PTPRS: variants seen among roughly 807,000 people sequenced by gnomAD.
PTPRS encodes the protein protein tyrosine phosphatase receptor type S, also known as receptor-type tyrosine-protein phosphatase S.
Under a neutral mutation model 215.3 loss-of-function variants are expected in PTPRS, and 63 were observed. The observed-to-expected ratio is 0.29, with a 90% CI of 0.24 to 0.36. PTPRS has a LOEUF of 0.36. PTPRS is among the 10% of genes least tolerant of loss of function. The pLI is 1.00. For synonymous variants in PTPRS, 1,404 were observed against 1,191.4 expected (o/e 1.18, Z -3.68); for missense variants, 2,258 against 2,825.8 (o/e 0.80, Z 4.56).
intron 1 of PTPRS, among the ~76,000 whole-genome samples, chr19:5,334,886 A>G (rs1022188485): frequency 1.3e-5 from 2 of 152,166 alleles, no homozygotes; most frequent in Admixed American, 6.5e-5. Flanking sequence ...GGAGACAAGG[A>G]TGCTACTGAC....
intron 26 of PTPRS, 120 bp from the exon 27 acceptor site, chr19:5,215,715 G>A: frequency 2.7e-6 from 2 of 729,258 alleles, no homozygotes; most frequent in Admixed American, 2.6e-5. Flanking sequence ...GAAGGGCATG[G>A]CCGGGGTGGG....
In PTPRS at chr19:5,282,458, C is replaced by T. The variant is rs999197107; in HGVS notation, c.91+3592G>A. On this transcript the variant is annotated intron_variant, in intron 2 of 37. Coordinates refer to ENST00000262963, the MANE Select transcript of PTPRS (RefSeq NM_002850.4). The stretch of plus-strand genomic sequence containing the variant: ...CTGCAGCTCGAGAGGCACAAAGACA[C>T]GCCATGTGCTAAGCTTTATGCCTGT... Among the ~76,000 whole-genome samples, 15 of 152,204 alleles carry T rather than the reference C, an allele frequency of 9.9e-5. No homozygotes were observed. The South Asian group carries it at 1.0e-3, about 10-fold the overall frequency.
At chr19:5,217,315 C>G (rs916650105) in intron 25 of PTPRS, among the ~76,000 whole-genome samples, 1 of 152,172 alleles carries the variant, frequency 6.6e-6, no homozygotes, top group Admixed American at 6.5e-5. Flanking sequence ...ATGATCCCTT[C>G]AGGAGACTGC....
chr19:5,205,943 G>A lies in PTPRS; in HGVS notation c.*831C>T, dbSNP rs2040331568. Among the ~76,000 whole-genome samples, 1 of 149,938 alleles carries A rather than the reference G, an allele frequency of 6.7e-6. No homozygotes were observed. The highest frequency in any genetic ancestry group is 1.5e-5 in the Non-Finnish European group (1 of 67,736). On this transcript the variant is annotated 3_prime_UTR_variant, in exon 38 of 38. Coordinates refer to ENST00000262963, the MANE Select transcript of PTPRS (RefSeq NM_002850.4). ...TTACCCTCAGAACTGTATTTGATATGTCTGAAAATTTAATTTATAAAAATG... is the reference window on the plus strand; with the variant it reads ...TTACCCTCAGAACTGTATTTGATATATCTGAAAATTTAATTTATAAAAATG...
rs1223983849 is a variant in PTPRS at position 5,220,092 on chromosome 19, C to A, written c.3612G>T (p.Val1204=). Residue 1204 remains valine (V), a synonymous_variant, in exon 22 of 38, where the codon GTG becomes GTT. Coordinates refer to ENST00000262963, the MANE Select transcript of PTPRS (RefSeq NM_002850.4). ...RSLRHSRQLE[V]PRPYIAARFS... ...AGCGAGCTGCAATATAGGGCCGGGG[C>A]ACCTCCAGCTGACGCGAGTGCCGCA... 6.2e-7 allele frequency: 1 copy of A among 1,613,792 alleles called. No homozygotes were observed. The highest frequency in any genetic ancestry group is 1.1e-5 in the South Asian group (1 of 91,086).
chr19:5,253,232 T>C (rs1038822819), intron 9 of PTPRS, among the ~76,000 whole-genome samples: 19 of 152,112 alleles, frequency 1.2e-4, no homozygotes, highest in Admixed American at 1.2e-3. Context: ...ACTTAAGCCC[T>C]TTGGATCCCA....
chr19:5,340,603 T>G (rs1241329101), intron 1 of PTPRS, 61 bp downstream of exon 1: 2 of 149,764 alleles, frequency 1.3e-5, no homozygotes, highest in South Asian at 2.1e-4. Flanking sequence ...GAGACCCCCC[T>G]TGGAGCGCCT....
At chr19:5,263,112 A>C (rs1416396863) in intron 5 of PTPRS, 140 bp from the exon 6 acceptor site, 2 of 753,888 alleles carry the variant, frequency 2.7e-6, no homozygotes, top group Admixed American at 2.3e-5. Flanking sequence ...AACATTTCTT[A>C]TGATTCCTAA....
At chr19:5,333,321 TA>T (rs1289721199) in intron 1 of PTPRS, among the ~76,000 whole-genome samples, 3,765 of 100,886 alleles carry the variant, frequency 0.037, 60 homozygotes, top group Non-Finnish European at 0.046. Context: ...AAAAAATAAA[TA>T]AATAATAATA....
intron 1 of PTPRS, among the ~76,000 whole-genome samples, chr19:5,318,806 T>C (rs987217840): frequency 2.6e-5 from 4 of 152,208 alleles, no homozygotes; most frequent in South Asian, 2.1e-4. Flanking sequence ...GCATGAGCCA[T>C]TGGGCCCAGC....
chr19:5,268,064 G>A (rs898356833), intron 4 of PTPRS, among the ~76,000 whole-genome samples: 4 of 152,110 alleles, frequency 2.6e-5, no homozygotes, highest in Non-Finnish European at 5.9e-5. Flanking sequence ...CAGCTACTCG[G>A]GAGGCTGAGG....
intron 30 of PTPRS, 143 bp downstream of exon 30, chr19:5,214,218 C>T: frequency 8.3e-7 from 1 of 1,212,036 alleles, no homozygotes; most frequent in Non-Finnish European, 1.1e-6. Flanking sequence ...AAGTGGGTTC[C>T]ATGAGAATGT....
intron 25 of PTPRS, 37 bp from the exon 26 acceptor site, chr19:5,216,804 A>C: frequency 7.9e-5 from 111 of 1,404,284 alleles, no homozygotes; most frequent in Middle Eastern, 1.8e-4. Flanking sequence ...GAAAACATGC[A>C]GGGGGTAGGG....
At chr19:5,315,238 C>T (rs956850399) in intron 1 of PTPRS, among the ~76,000 whole-genome samples, 146 of 152,070 alleles carry the variant, frequency 9.6e-4, no homozygotes, top group African/African-American at 3.2e-3. Context: ...CTATTCCCCT[C>T]CCTTATCAAT....
chr19:5,211,449 A>G, intron 33 of PTPRS, 141 bp downstream of exon 33: 2 of 795,496 alleles, frequency 2.5e-6, no homozygotes, highest in South Asian at 4.4e-5. Context: ...CATCAGTTAA[A>G]TATACATCTA....
intron 1 of PTPRS, among the ~76,000 whole-genome samples, chr19:5,302,901 C>CAAAAAA (rs61244607): frequency 8.9e-6 from 1 of 112,578 alleles, no homozygotes; most frequent in Non-Finnish European, 1.8e-5. Context: ...ACTAAAAATA[C>CAAAAAA]AAAAAAAAAA....
At position 5,231,338 on chromosome 19, in the gene PTPRS, C is replaced by T. The variant is rs1064294; in HGVS notation, c.2127G>A (p.Ser709=). ...CCTCGTCGGTGCGGACGACCACGGG[C>T]GAGCTCTCGGGCCCTGGTCCCACCT... ...HTEVGPGPES[S]PVVVRTDEDV... is the part of the protein sequence containing the mutation. The change falls in exon 14 of 38, where the codon TCG becomes TCA. Residue 709 remains serine, a synonymous_variant. Transcript: ENST00000262963. The T allele has an allele frequency of 1.9e-6, 3 of 1,610,976 alleles. No individual in the cohort carries two copies. The East Asian group carries it at 6.7e-5, about 36-fold the overall frequency.
At chr19:5,230,390 T>A (rs2042915009) in intron 14 of PTPRS, among the ~76,000 whole-genome samples, 1 of 152,188 alleles carries the variant, frequency 6.6e-6, no homozygotes, top group Admixed American at 6.5e-5. Flanking sequence ...TTTGAACTCC[T>A]GGGCTTAAGC....
In PTPRS at chr19:5,285,948, C is replaced by T. The variant is rs553939436; in HGVS notation, c.91+102G>A. On this transcript the variant is annotated intron_variant, in intron 2 of 37. Transcript: ENST00000262963. ...AAGTTCCATTTGGCAAAATGGAGGG[C>T]CCCAGGGAGGAGGTGGGGAGTGTGC... The T allele has an allele frequency of 4.0e-5, 44 of 1,097,390 alleles. 2 individuals carry two copies. The African/African-American group carries it at 5.4e-4, about 13-fold the overall frequency. 68.0% of individuals were successfully genotyped at this position (1,097,390 alleles called of 1,614,324 possible).
Sources: allele counts gnomAD v4.1 joint callset (sites outside exome capture counted in the v4.1 genomes callset), GRCh38; gene constraint gnomAD v4.1.1; transcripts MANE v1.5; gene names NCBI Gene and HGNC (gene_info 2026-07-23, HGNC 2026-07-21).